ADCY2: variants seen among roughly 807,000 people sequenced by gnomAD.
ADCY2 encodes the protein adenylate cyclase 2, also known as adenylate cyclase type 2.
ADCY2 carries 31 observed loss-of-function variants against 125.2 expected under a neutral mutation model. That is an observed-to-expected ratio of 0.25 (90% CI 0.19 to 0.33). ADCY2 has a LOEUF of 0.33. ADCY2 is among the 10% of genes least tolerant of loss of function. The pLI, the probability that ADCY2 is intolerant of heterozygous loss-of-function variation, is 1.00. For synonymous variants in ADCY2, 512 were observed against 548.4 expected, an observed-to-expected ratio of 0.93 and a Z score of 0.93; for missense variants, 904 against 1,418.2, an observed-to-expected ratio of 0.64 and a Z score of 5.82.
At chr5:7,585,210 A>AT (rs939634276) in intron 3 of ADCY2, among the ~76,000 whole-genome samples, 5 of 152,166 alleles carry the variant, frequency 3.3e-5, no homozygotes, top group Admixed American at 2.0e-4. Context: ...GGCAATTTCA[A>AT]TTTTTTTGAA....
At chr5:7,492,200 T>C (rs760627751) in intron 2 of ADCY2, among the ~76,000 whole-genome samples, 3 of 152,154 alleles carry the variant, frequency 2.0e-5, no homozygotes, top group Non-Finnish European at 2.9e-5. Flanking sequence ...AGGACACAAA[T>C]CACTGTGTCA....
intron 16 of ADCY2, among the ~76,000 whole-genome samples, chr5:7,758,657 G>T (rs1377971527): frequency 2.0e-5 from 3 of 152,216 alleles, no homozygotes; most frequent in Non-Finnish European, 4.4e-5. Context: ...GAGACAGACA[G>T]CTGGGTAACC....
chr5:7,566,867 G>T lies in ADCY2; in HGVS notation c.570+45968G>T, dbSNP rs185154282. Among the ~76,000 whole-genome samples, 3 of 152,114 alleles carry T rather than the reference G, an allele frequency of 2.0e-5. No individual in the cohort carries two copies. In the East Asian group the frequency reaches 5.8e-4, roughly 29 times the overall value. On this transcript the variant is annotated intron_variant, in intron 3 of 24. Coordinates refer to ENST00000338316, the MANE Select transcript of ADCY2 (RefSeq NM_020546.3). ...TCCAAATATCATAGTGTTTTGGCCT[G>T]GGGGGGAGGTATTAAAATGGCTAAG...
intron 4 of ADCY2, among the ~76,000 whole-genome samples, chr5:7,634,377 T>C (rs1436110318): frequency 6.6e-6 from 1 of 152,204 alleles, no homozygotes; most frequent in Non-Finnish European, 1.5e-5. Context: ...GATTATACTT[T>C]TAGGGTTATC....
intron 1 of ADCY2, among the ~76,000 whole-genome samples, chr5:7,406,167 T>C (rs544554919): frequency 3.3e-5 from 5 of 152,262 alleles, no homozygotes; most frequent in South Asian, 4.1e-4. Flanking sequence ...GCCAATTTAT[T>C]CCCTTTTGAA....
intron 7 of ADCY2, among the ~76,000 whole-genome samples, chr5:7,705,624 T>G (rs1579337544): frequency 6.7e-6 from 1 of 149,874 alleles, no homozygotes; most frequent in East Asian, 2.0e-4. Context: ...GGGGTGGGGG[T>G]GGGTCTCCTT....
intron 2 of ADCY2, among the ~76,000 whole-genome samples, chr5:7,479,645 T>TA (rs1264010651): frequency 1.4e-5 from 2 of 146,858 alleles, no homozygotes; most frequent in East Asian, 4.0e-4. Flanking sequence ...TTTTTTTTTT[T>TA]ACTATAGTCA....
At chr5:7,697,157 AT>A (rs778039175) in intron 6 of ADCY2, among the ~76,000 whole-genome samples, 12 of 151,976 alleles carry the variant, frequency 7.9e-5, no homozygotes, top group Non-Finnish European at 1.6e-4. Flanking sequence ...CTCTTAACTA[AT>A]TAAATCTGCA....
chr5:7,579,697 G>A (rs1261026591), intron 3 of ADCY2, among the ~76,000 whole-genome samples: 1 of 152,126 alleles, frequency 6.6e-6, no homozygotes, highest in African/African-American at 2.4e-5. Context: ...ATAATGCTTA[G>A]TCTACAATTC....
intron 12 of ADCY2, among the ~76,000 whole-genome samples, chr5:7,722,926 C>T (rs938779278): frequency 4.4e-5 from 6 of 136,998 alleles, no homozygotes; most frequent in Non-Finnish European, 9.2e-5. Context: ...CACCACTGCA[C>T]TCCAGCCTGG....
chr5:7,584,462 G>GGCT (rs1486719552), intron 3 of ADCY2, among the ~76,000 whole-genome samples: 1 of 152,018 alleles, frequency 6.6e-6, no homozygotes, highest in African/African-American at 2.4e-5. Flanking sequence ...ACACTAGTAT[G>GGCT]GCTGTAATAG....
At chr5:7,450,727 C>T (rs1439922612) in intron 2 of ADCY2, among the ~76,000 whole-genome samples, 1 of 152,188 alleles carries the variant, frequency 6.6e-6, no homozygotes, top group Non-Finnish European at 1.5e-5. Context: ...AAGGCTAAAT[C>T]TCTTATTAGG....
intron 22 of ADCY2, among the ~76,000 whole-genome samples, chr5:7,816,533 A>T (rs1745117200): frequency 6.6e-6 from 1 of 152,228 alleles, no homozygotes; most frequent in Admixed American, 6.5e-5. Flanking sequence ...GGAGGGAAGA[A>T]GGCGCCAGCC....
chr5:7,532,906 A>G lies in ADCY2; in HGVS notation c.570+12007A>G, dbSNP rs1734696421. On this transcript the variant is annotated intron_variant, in intron 3 of 24. Transcript: ENST00000338316. ...AACAAACACTTATGCAGCTCTGGCC[A>G]TGGGTCAGAGATGATTCTGAGTGCT... Among the ~76,000 whole-genome samples, 3 of 151,958 alleles carry G rather than the reference A, an allele frequency of 2.0e-5. No individual in the cohort carries two copies. In the South Asian group the frequency reaches 6.2e-4, roughly 32 times the overall value.
chr5:7,567,168 A>G (rs569009027), intron 3 of ADCY2, among the ~76,000 whole-genome samples: 6 of 152,288 alleles, frequency 3.9e-5, no homozygotes, highest in Admixed American at 3.9e-4. Context: ...CTTATTGCTT[A>G]CCATTTTATT....
intron 23 of ADCY2, among the ~76,000 whole-genome samples, chr5:7,819,866 A>G (rs78239973): frequency 0.029 from 4,393 of 152,226 alleles, 194 homozygotes; most frequent in African/African-American, 0.1. Context: ...TCCTACACTA[A>G]CTAGAGATGG....
At chr5:7,507,257 C>T (rs1579515756) in intron 2 of ADCY2, among the ~76,000 whole-genome samples, 1 of 145,194 alleles carries the variant, frequency 6.9e-6, no homozygotes, top group South Asian at 2.2e-4. Context: ...CCGGCTAAAA[C>T]GGTGAAACCC....
chr5:7,673,489 G>A (rs1740011950), intron 4 of ADCY2, among the ~76,000 whole-genome samples: 1 of 151,816 alleles, frequency 6.6e-6, no homozygotes, highest in Non-Finnish European at 1.5e-5. Context: ...GAAACCTGAT[G>A]TGATAGCCTG....
At chr5:7,606,610 C>T (rs1489593377) in intron 3 of ADCY2, among the ~76,000 whole-genome samples, 1 of 152,132 alleles carries the variant, frequency 6.6e-6, no homozygotes, top group Non-Finnish European at 1.5e-5. Flanking sequence ...GTGTGATCCC[C>T]TCATTAATCC....
Sources: allele counts gnomAD v4.1 joint callset (sites outside exome capture counted in the v4.1 genomes callset), GRCh38; gene constraint gnomAD v4.1.1; transcripts MANE v1.5; gene names NCBI Gene and HGNC (gene_info 2026-07-23, HGNC 2026-07-21).